SUCLA2: variants seen among roughly 807,000 people sequenced by gnomAD.
SUCLA2 encodes succinate--CoA ligase [ADP-forming] subunit beta, mitochondrial.
A neutral mutation model predicts 54.8 loss-of-function variants in SUCLA2; 30 were observed. The ratio of observed to expected loss-of-function variants is 0.55; its 90% CI spans 0.41 to 0.74. The LOEUF is 0.74. Ranked by LOEUF, SUCLA2 falls within the 30% of genes least tolerant of loss-of-function variation. The pLI, the probability that SUCLA2 is intolerant of heterozygous loss-of-function variation, is 0.00. For synonymous variants in SUCLA2, 172 were observed against 188.9 expected (o/e 0.91, Z 0.74); for missense variants, 476 against 562.9 (o/e 0.85, Z 1.56).
intron 2 of SUCLA2, chr13:47,994,669 TAA>T (rs1950177275): frequency 4.8e-6 from 1 of 209,502 alleles, no homozygotes; most frequent in Non-Finnish European, 8.3e-6. Context: ...CCTCTAGATT[TAA>T]ATTTCCTTGT....
chr13:47,943,751 TG>T (rs1490541151), intron 10 of SUCLA2, among the ~76,000 whole-genome samples: 2 of 119,408 alleles, frequency 1.7e-5, no homozygotes, highest in Non-Finnish European at 3.3e-5. Context: ...TGTATGTGTG[TG>T]TGTGTGTGTG....
chr13:47,968,864 T>C lies in SUCLA2; in HGVS notation c.664-131A>G, dbSNP rs1258308191. 6 of 1,061,218 alleles carry C rather than the reference T, an allele frequency of 5.7e-6. No homozygotes were observed. In the South Asian group the frequency reaches 6.3e-5, roughly 11 times the overall value. 65.7% of individuals were successfully genotyped at this position (1,061,218 alleles called of 1,614,324 possible). On this transcript the variant is annotated intron_variant, in intron 5 of 10. Transcript: ENST00000646932. ...CATTTATAGTCAAACATTACTGAAA[T>C]AGCAGCTACCATTACTAAATGGTTA...
intron 4 of SUCLA2, among the ~76,000 whole-genome samples, chr13:47,975,787 G>C (rs1235472931): frequency 1.3e-5 from 2 of 152,196 alleles, no homozygotes; most frequent in African/African-American, 4.8e-5. Flanking sequence ...GGAGCCGCAT[G>C]GTGGGCCCCT....
At position 47,943,335 on chromosome 13, in the gene SUCLA2, C is replaced by A. The variant is rs1219374055; in HGVS notation, c.*36G>T. On this transcript the variant is annotated 3_prime_UTR_variant, in exon 11 of 11. Transcript: ENST00000646932. ...CACAGTATTCTTAATGATTATAGCA[C>A]ATTTAACACCTTCAGCCATCCACTG... 6.3e-7 allele frequency: 1 copy of A among 1,584,418 alleles called. No homozygotes were observed. Among genetic ancestry groups the A allele is most frequent in the African/African-American group, 1.3e-5 (1 of 74,308 alleles).
Position 47,954,147 on chromosome 13 carries a change from T to A in SUCLA2, c.1100A>T (p.Asp367Val). The change falls in exon 8 of 11, where the codon GAT (aspartate) becomes GTT (valine). Residue 367 changes from aspartate (D) to valine (V), a missense_variant. By Grantham distance (152) the Asp-to-Val change is radical. Coordinates refer to ENST00000646932, the MANE Select transcript of SUCLA2 (RefSeq NM_003850.3). ...ATCAAGCCCTGCCCTTACCTTTTTA[T>A]CTGAAGTGATAAGCTTAAATGCTTC... is the stretch of plus-strand genomic sequence containing the variant. Reference protein sequence around the residue: ...VTEAFKLITSDKKVLAILVNI... With the variant: ...VTEAFKLITSVKKVLAILVNI... 6.2e-7 allele frequency: 1 copy of A among 1,613,476 alleles called. No homozygotes were observed. The highest frequency in any genetic ancestry group is 8.5e-7 in the Non-Finnish European group (1 of 1,179,592).
intron 4 of SUCLA2, among the ~76,000 whole-genome samples, chr13:47,978,981 G>A (rs986352683): frequency 2.6e-5 from 4 of 152,244 alleles, no homozygotes; most frequent in African/African-American, 9.6e-5. Context: ...TCTCATGCCA[G>A]TTAGAATGGT....
chr13:47,953,576 C>A (rs1431563499), intron 8 of SUCLA2, among the ~76,000 whole-genome samples: 3 of 151,964 alleles, frequency 2.0e-5, no homozygotes, highest in African/African-American at 7.3e-5. Flanking sequence ...CGGTCTAACA[C>A]CACAAATAAA....
rs758939910 is a variant in SUCLA2, at chr13:47,973,251, G to T, written c.663+13C>A. On this transcript the variant is annotated intron_variant, in intron 5 of 10. Transcript: ENST00000646932. ...TAATCATAAGCTAGAAATTTTTCAG[G>T]AATACAACATACCTGGAGAGCTTGT... 4.3e-6 allele frequency: 7 copies of T among 1,609,576 alleles called. No individual in the cohort carries two copies. In the South Asian group the frequency reaches 7.7e-5, roughly 18 times the overall value.
chr13:47,954,102 T>C, intron 8 of SUCLA2, 38 bp downstream of exon 8: 1 of 1,500,600 alleles, frequency 6.7e-7, no homozygotes, highest in Non-Finnish European at 9.0e-7. Context: ...ATTTTATATA[T>C]TTACATGATA....
At chr13:47,999,295 C>A (rs1950211052) in intron 1 of SUCLA2, among the ~76,000 whole-genome samples, 1 of 152,128 alleles carries the variant, frequency 6.6e-6, no homozygotes, top group African/African-American at 2.4e-5. Flanking sequence ...ATGATCACTG[C>A]GGTTATTTGG....
At chr13:47,974,170 C>T (rs1420641250) in intron 4 of SUCLA2, among the ~76,000 whole-genome samples, 3 of 151,242 alleles carry the variant, frequency 2.0e-5, no homozygotes, top group African/African-American at 4.9e-5. Flanking sequence ...TTCATAAAAA[C>T]TGAGGGGACA....
intron 1 of SUCLA2, among the ~76,000 whole-genome samples, chr13:47,999,394 G>A (rs73477042): frequency 0.04 from 6,123 of 152,184 alleles, 258 homozygotes; most frequent in East Asian, 0.098. Flanking sequence ...AATTGGAGGA[G>A]GGTCAGAGAA....
chr13:47,943,121 T>C lies in SUCLA2; in HGVS notation c.*250A>G, dbSNP rs989914017. On this transcript the variant is annotated 3_prime_UTR_variant, in exon 11 of 11. Transcript: ENST00000646932. ...TAAACTGGCAAATTGCAAGTTACGTTTTGTAGGAGAAGCAAAAAAGACTGG... is the reference window on the plus strand; with the variant it reads ...TAAACTGGCAAATTGCAAGTTACGTCTTGTAGGAGAAGCAAAAAAGACTGG... 7 of 460,012 alleles carry C rather than the reference T, an allele frequency of 1.5e-5. No individual in the cohort carries two copies. The highest frequency in any genetic ancestry group is 2.4e-5 in the Non-Finnish European group (6 of 254,144). The allele number at this position is 460,012 out of a possible 1,614,324, so 28.5% of individuals were successfully genotyped here.
At chr13:47,955,859 T>A (rs1335499819) in intron 6 of SUCLA2, among the ~76,000 whole-genome samples, 1 of 152,140 alleles carries the variant, frequency 6.6e-6, no homozygotes, top group South Asian at 2.1e-4. Context: ...CCTGAAAAGA[T>A]ACAGGGTTGA....
At chr13:47,949,179 A>T (rs920934378) in intron 9 of SUCLA2, 151 bp from the exon 10 acceptor site, 2 of 840,362 alleles carry the variant, frequency 2.4e-6, no homozygotes, top group Non-Finnish European at 3.8e-6. Flanking sequence ...AAAACACTGT[A>T]AAAGCCCAGG....
chr13:47,981,409 T>A (rs1950059447), intron 4 of SUCLA2, among the ~76,000 whole-genome samples: 1 of 152,018 alleles, frequency 6.6e-6, no homozygotes, highest in Non-Finnish European at 1.5e-5. Flanking sequence ...AAAACCACAG[T>A]GAAATATAAT....
intron 2 of SUCLA2, among the ~76,000 whole-genome samples, chr13:47,996,151 G>A (rs1268982898): frequency 7.3e-5 from 11 of 151,688 alleles, no homozygotes; most frequent in East Asian, 1.9e-4. Context: ...GTGAAAACCC[G>A]TCTCTACTAA....
chr13:47,971,400 CAG>C (rs2137719133), intron 5 of SUCLA2: 1 of 152,464 alleles, frequency 6.6e-6, no homozygotes, highest in East Asian at 1.9e-4. Flanking sequence ...CCCTGGGCGA[CAG>C]AGCAAGAATC....
Position 47,988,719 on chromosome 13 carries a change from G to A in SUCLA2, c.372-16C>T. 1 of 1,612,946 alleles carries A rather than the reference G, an allele frequency of 6.2e-7. No individual in the cohort carries two copies. The highest frequency in any genetic ancestry group is 8.5e-7 in the Non-Finnish European group (1 of 1,179,702). On this transcript the variant is annotated splice_polypyrimidine_tract_variant and intron_variant, in intron 3 of 10. Transcript: ENST00000646932. ...TTCTTCTGGACTAAAATAAGAAAAAGAACTCAAATTTTTCTTTCCTCCAGT... is the reference window on the plus strand; with the variant it reads ...TTCTTCTGGACTAAAATAAGAAAAAAAACTCAAATTTTTCTTTCCTCCAGT...
Sources: gnomAD v4.1 joint callset for allele counts (sites outside exome capture counted in the v4.1 genomes callset) on GRCh38, gnomAD v4.1.1 for gene constraint, MANE v1.5 for transcripts, NCBI Gene and HGNC (gene_info 2026-07-23, HGNC 2026-07-21) for gene names.